Variants in PSD3 observed in about 807,000 individuals in gnomAD.
PSD3 encodes the protein PH and SEC7 domain-containing protein 3.
In PSD3, 49 loss-of-function variants were observed where a neutral mutation model predicts 105.5. That is an observed-to-expected ratio of 0.46 (90% CI 0.37 to 0.59). PSD3 has a LOEUF of 0.59. Among genes scored for constraint, PSD3 ranks in the 20% least tolerant of loss-of-function variants. The pLI is 0.00. For missense variants in PSD3, 1,561 were observed against 1,263.8 expected (o/e 1.24, Z -3.57); for synonymous variants, 557 against 457.8 (o/e 1.22, Z -2.77).
chr8:18,752,492 A>G (rs1021013640), intron 9 of PSD3, among the ~76,000 whole-genome samples: 1 of 17,802 alleles, frequency 5.6e-5, no homozygotes, highest in South Asian at 1.7e-3. Flanking sequence ...TTATATATAT[A>G]ATATATATAA....
intron 1 of PSD3, among the ~76,000 whole-genome samples, chr8:18,988,922 G>A (rs918974913): frequency 3.3e-5 from 5 of 152,176 alleles, no homozygotes; most frequent in African/African-American, 1.2e-4. Context: ...TTGCCATGGG[G>A]GCTTCAAAGC....
Position 18,530,685 on chromosome 8 carries a change from CT to C in PSD3, c.*5057del, listed in dbSNP as rs768132644. 0.015 allele frequency: 2,105 copies of C among 140,190 alleles called. 8 individuals carry two copies. The highest frequency in any genetic ancestry group is 0.016 in the African/African-American group (626 of 38,464). The allele number at this position is 140,190 out of a possible 1,614,324, so 8.7% of individuals were successfully genotyped here. On this transcript the variant is annotated 3_prime_UTR_variant, in exon 16 of 16. Transcript: ENST00000327040. The stretch of plus-strand genomic sequence containing the variant: ...AAGTTACTAAGACTGCACAGGCTGC[CT>C]TTTTTTTTTTTTTTCTTTTCTTTCT...
At chr8:18,706,637 G>A (rs1388787899) in intron 9 of PSD3, among the ~76,000 whole-genome samples, 1 of 152,164 alleles carries the variant, frequency 6.6e-6, no homozygotes, top group Non-Finnish European at 1.5e-5. Flanking sequence ...TCATCCAGCT[G>A]GCAATCACCT....
At chr8:18,654,285 C>T (rs1158894660) in intron 10 of PSD3, among the ~76,000 whole-genome samples, 1 of 152,144 alleles carries the variant, frequency 6.6e-6, no homozygotes, top group East Asian at 1.9e-4. Flanking sequence ...AATACACAGT[C>T]AACTATTAAC....
rs572424704 is a variant in PSD3 at position 18,600,433 on chromosome 8, A to G, written c.2412T>C (p.Thr804=). Residue 804 remains threonine (T), a splice_region_variant and synonymous_variant, in exon 12 of 16, where the codon ACT becomes ACC. Transcript: ENST00000327040. The part of the protein sequence containing the change: ...KIHADMDGKK[T]PRGKRGWKTF... ...TTTTCCATCCTCGTTTTCCTCTTGG[A>G]GCTAGAAAGGGGGAAAAAATGTAAA... 2 of 1,599,396 alleles carry G rather than the reference A, an allele frequency of 1.3e-6. No individual in the cohort carries two copies. The highest frequency in any genetic ancestry group is 1.3e-5 in the African/African-American group (1 of 74,084).
intron 14 of PSD3, among the ~76,000 whole-genome samples, chr8:18,563,167 G>A (rs1801506178): frequency 6.6e-6 from 1 of 152,122 alleles, no homozygotes; most frequent in Non-Finnish European, 1.5e-5. Context: ...TGAGCAGAGA[G>A]ATAGTATGTG....
intron 1 of PSD3, among the ~76,000 whole-genome samples, chr8:19,080,643 C>T (rs1020489142): frequency 3.3e-5 from 5 of 152,168 alleles, no homozygotes; most frequent in African/African-American, 1.2e-4. Context: ...ATGCTCATTT[C>T]CTCGCTGTTT....
intron 12 of PSD3, among the ~76,000 whole-genome samples, chr8:18,594,167 C>CATATTATATAATATATATTATTATATA (rs1803842093): frequency 4.2e-5 from 1 of 23,698 alleles, no homozygotes; most frequent in Non-Finnish European, 8.9e-5. Flanking sequence ...TTATTATATA[C>CATATTATATAATATATATTATTATATA]ATATTATATA....
chr8:18,999,985 A>G (rs993113116), intron 1 of PSD3: 3 of 151,406 alleles, frequency 2.0e-5, no homozygotes, highest in Non-Finnish European at 4.4e-5. Context: ...CAGTTTTAGA[A>G]TATGATATTG....
intron 11 of PSD3, among the ~76,000 whole-genome samples, chr8:18,607,175 C>T (rs1804899602): frequency 6.6e-6 from 1 of 152,098 alleles, no homozygotes; most frequent in Non-Finnish European, 1.5e-5. Context: ...TAATCTCACT[C>T]AACTATAGGA....
intron 2 of PSD3, among the ~76,000 whole-genome samples, chr8:18,913,004 G>C (rs1820337116): frequency 6.6e-6 from 1 of 150,834 alleles, no homozygotes; most frequent in Non-Finnish European, 1.5e-5. Context: ...CATCTACCCT[G>C]AGTAATTTCA....
chr8:18,693,258 T>C (rs1000855211), intron 9 of PSD3, among the ~76,000 whole-genome samples: 2 of 152,178 alleles, frequency 1.3e-5, no homozygotes, highest in Admixed American at 6.5e-5. Context: ...ACAGATTTGC[T>C]ATTTCATACT....
chr8:18,726,356 T>G (rs1803333960), intron 9 of PSD3, among the ~76,000 whole-genome samples: 1 of 152,250 alleles, frequency 6.6e-6, no homozygotes, highest in Admixed American at 6.5e-5. Context: ...GAAATGTCTT[T>G]TATCGTCTTC....
chr8:19,037,110 T>C (rs1421664101), intron 1 of PSD3, among the ~76,000 whole-genome samples: 1 of 152,232 alleles, frequency 6.6e-6, no homozygotes, highest in Non-Finnish European at 1.5e-5. Flanking sequence ...GTAACGTATT[T>C]GTGGTTTAAA....
intron 11 of PSD3, among the ~76,000 whole-genome samples, chr8:18,618,898 C>T (rs1805902581): frequency 6.6e-6 from 1 of 151,986 alleles, no homozygotes; most frequent in Admixed American, 6.6e-5. Flanking sequence ...GTTGCTCAGG[C>T]TGTGGTGGAA....
chr8:18,798,379 T>G (rs1810375539), intron 8 of PSD3, among the ~76,000 whole-genome samples: 1 of 152,124 alleles, frequency 6.6e-6, no homozygotes, highest in Non-Finnish European at 1.5e-5. Context: ...CTGTTTGCTT[T>G]CTGGTGGTGG....
intron 13 of PSD3, among the ~76,000 whole-genome samples, chr8:18,573,778 G>A (rs1342574610): frequency 6.6e-6 from 1 of 152,160 alleles, no homozygotes; most frequent in East Asian, 1.9e-4. Flanking sequence ...GTGGGTGCCT[G>A]GGGCTGGAGG....
upstream of PSD3, among the ~76,000 whole-genome samples, chr8:19,016,715 A>ATC (rs1190939532): frequency 6.6e-6 from 1 of 152,224 alleles, no homozygotes; most frequent in African/African-American, 2.4e-5. Flanking sequence ...AAAGAAATGA[A>ATC]TCTCTCACAG....
chr8:18,773,275 T>C lies in PSD3; in HGVS notation c.2083-7737A>G, dbSNP rs1412376505. Among the ~76,000 whole-genome samples, 3 of 152,196 alleles carry C rather than the reference T, an allele frequency of 2.0e-5. No homozygotes were observed. The East Asian group carries it at 5.8e-4, about 29-fold the overall frequency. On this transcript the variant is annotated intron_variant, in intron 8 of 15. Transcript: ENST00000327040. ...CTACCATTTTTTAAAAAGTCTGACA[T>C]TTCCCCAATGAGTGGTCTTAGCACT... is the stretch of plus-strand genomic sequence containing the variant.
Sources: allele counts gnomAD v4.1 joint callset (sites outside exome capture counted in the v4.1 genomes callset), GRCh38; gene constraint gnomAD v4.1.1; transcripts MANE v1.5; gene names NCBI Gene and HGNC (gene_info 2026-07-23, HGNC 2026-07-21).